The following LRRC72 variants were observed in gnomAD, a reference collection of about 807,000 sequenced individuals.
LRRC72 encodes the protein leucine-rich repeat-containing protein 72.
In LRRC72, 41 loss-of-function variants were observed where a neutral mutation model predicts 35.8. That is an observed-to-expected ratio of 1.15 (90% CI 0.89 to 1.49). The LOEUF is 1.49. Ranked by LOEUF, LRRC72 falls within the 40% of genes most tolerant of loss-of-function variation. LRRC72 has a pLI of 0.00. For synonymous variants in LRRC72, 118 were observed against 119.2 expected, an observed-to-expected ratio of 0.99 and a Z score of 0.07; for missense variants, 389 against 330.7, an observed-to-expected ratio of 1.18 and a Z score of -1.37.
At chr7:16,536,695 AT>A (rs534878450) in intron 2 of LRRC72, among the ~76,000 whole-genome samples, 1 of 152,076 alleles carries the variant, frequency 6.6e-6, no homozygotes, top group Non-Finnish European at 1.5e-5. Flanking sequence ...CTTTCAAAAA[AT>A]GTATGTTTTT....
intron 3 of LRRC72, among the ~76,000 whole-genome samples, chr7:16,553,728 G>T (rs995549115): frequency 6.6e-6 from 1 of 152,082 alleles, no homozygotes. Flanking sequence ...ATAATTATTT[G>T]GTCCCATATA....
At position 16,537,613 on chromosome 7, in the gene LRRC72, T is replaced by C. The variant is rs1782279114; in HGVS notation, c.165-14T>C. The C allele has an allele frequency of 6.7e-7, 1 of 1,485,828 alleles. No individual in the cohort carries two copies. The highest frequency in any genetic ancestry group is 1.4e-5 in the African/African-American group (1 of 70,534). 92.0% of individuals were successfully genotyped at this position (1,485,828 alleles called of 1,614,324 possible). A position where few individuals can be genotyped will look rare whatever the true frequency, so the allele number is the denominator to read the frequency against. On this transcript the variant is annotated splice_polypyrimidine_tract_variant and intron_variant, in intron 2 of 8. Coordinates refer to ENST00000401542, the MANE Select transcript of LRRC72 (RefSeq NM_001195280.2). Reference sequence around the variant, plus strand: ...TAATTGTTGCTAATGTTCACATTTTTTTTTTCTTTCCAGGGAACTGACAGA... The same window carrying C: ...TAATTGTTGCTAATGTTCACATTTTCTTTTTCTTTCCAGGGAACTGACAGA...
chr7:16,532,711 CCA>C, intron 2 of LRRC72, 143 bp downstream of exon 2: 1 of 730,466 alleles, frequency 1.4e-6, no homozygotes, highest in South Asian at 1.5e-5. Context: ...TTCCTGGAAT[CCA>C]CAGTTTTCTA....
At chr7:16,547,671 T>C (rs750675274) in intron 3 of LRRC72, among the ~76,000 whole-genome samples, 2 of 152,204 alleles carry the variant, frequency 1.3e-5, no homozygotes, top group Non-Finnish European at 2.9e-5. Flanking sequence ...TGTCACAACC[T>C]GGCTGGGGGT....
chr7:16,541,587 T>C (rs1450361711), intron 3 of LRRC72, among the ~76,000 whole-genome samples: 2 of 152,168 alleles, frequency 1.3e-5, no homozygotes, highest in African/African-American at 4.8e-5. Context: ...CACACTCCAC[T>C]TTAGGGCATA....
intron 3 of LRRC72, among the ~76,000 whole-genome samples, chr7:16,542,265 A>G (rs6945188): frequency 0.79 from 120,018 of 152,138 alleles, 47,517 homozygotes; most frequent in East Asian, 1. Flanking sequence ...CGCATGCACC[A>G]TCAACTGTTT....
chr7:16,542,495 G>T (rs1451541585), intron 3 of LRRC72, among the ~76,000 whole-genome samples: 1 of 152,202 alleles, frequency 6.6e-6, no homozygotes, highest in Non-Finnish European at 1.5e-5. Context: ...ATGGGCCCAA[G>T]GTGGTCCAGG....
At chr7:16,561,455 T>TG (rs1782742847) in intron 5 of LRRC72, among the ~76,000 whole-genome samples, 1 of 152,208 alleles carries the variant, frequency 6.6e-6, no homozygotes, top group Non-Finnish European at 1.5e-5. Flanking sequence ...ATCCAGCCCA[T>TG]GCCCTGCTTG....
rs548638873 is a variant in LRRC72, at chr7:16,570,069, T to A, written c.670+2526T>A. ...AAAAAAAAAAGAATTCACATAAGCC[T>A]CTTGGAAGCACAGTTCATTGATTCC... On this transcript the variant is annotated intron_variant, in intron 7 of 8. Transcript: ENST00000401542. Among the ~76,000 whole-genome samples the A allele has an allele frequency of 3.3e-5, 5 of 152,064 alleles. No homozygotes were observed. The South Asian group carries it at 1.0e-3, about 32-fold the overall frequency.
rs373893942 is a variant in LRRC72 at position 16,526,893 on chromosome 7, G to C, written c.-60G>C. On this transcript the variant is annotated 5_prime_UTR_variant, in exon 1 of 9. Transcript: ENST00000401542. ...TGTGCACCAAGCCAAGTCTCTCTTC[G>C]GTGCCACCGGCGGGCGAGGCCGGAT... The C allele has an allele frequency of 1.5e-6, 2 of 1,368,636 alleles. No individual in the cohort carries two copies. Among genetic ancestry groups the C allele is most frequent in the South Asian group, 2.5e-5 (2 of 80,752 alleles). The allele number at this position is 1,368,636 out of a possible 1,614,324, so 84.8% of individuals were successfully genotyped here.
rs1157923922 is a variant in LRRC72, at chr7:16,581,480, A to G, written c.855A>G (p.Thr285=). 1 of 1,546,518 alleles carries G rather than the reference A, an allele frequency of 6.5e-7. No individual in the cohort carries two copies. The highest frequency in any genetic ancestry group is 1.2e-5 in the South Asian group (1 of 82,760). The change falls in exon 9 of 9, where the codon ACA becomes ACG. Residue 285 remains threonine (T), a synonymous_variant. Coordinates refer to ENST00000401542, the MANE Select transcript of LRRC72 (RefSeq NM_001195280.2). ...AAACAGCTCAAATGCTCACAGTTAC[A>G]CTGAGATAAGCCCTGGTATTTCTAG... The part of the protein sequence containing the change: ...GTETAQMLTV[T]LR
intron 3 of LRRC72, among the ~76,000 whole-genome samples, chr7:16,543,718 G>A (rs1298458114): frequency 1.3e-5 from 2 of 152,184 alleles, no homozygotes; most frequent in East Asian, 3.9e-4. Context: ...AGGTTCCTGG[G>A]AGAGGCTCTC....
intron 5 of LRRC72, 46 bp from the exon 6 acceptor site, chr7:16,566,267 C>A: frequency 2.4e-6 from 3 of 1,268,556 alleles, no homozygotes; most frequent in Non-Finnish European, 3.3e-6. Flanking sequence ...ATAAGTGAAA[C>A]TGATTTTGAA....
At chr7:16,567,845 C>A (rs192881551) in intron 7 of LRRC72, among the ~76,000 whole-genome samples, 2 of 151,914 alleles carry the variant, frequency 1.3e-5, no homozygotes, top group Admixed American at 6.6e-5. Context: ...AATAAATAAG[C>A]CATTGTTATT....
In LRRC72 at chr7:16,581,394, T is replaced by C; in HGVS notation, c.769T>C (p.Ser257Pro). The C allele has an allele frequency of 6.5e-7, 1 of 1,550,202 alleles. No individual in the cohort carries two copies. Among genetic ancestry groups the C allele is most frequent in the Non-Finnish European group, 8.7e-7 (1 of 1,146,696 alleles). ...SMKRSVMTLT[S>P]MNWDTVPTRE... is the part of the protein sequence containing the mutation. ...GAAGAGATCAGTGATGACTTTGACC[T>C]CTATGAACTGGGACACAGTTCCAAC... is the stretch of plus-strand genomic sequence containing the variant. The change falls in exon 9 of 9, where the codon TCT becomes CCT. Residue 257 changes from serine to proline, a missense_variant. Transcript: ENST00000401542.
intron 6 of LRRC72, among the ~76,000 whole-genome samples, chr7:16,566,637 G>T (rs995547475): frequency 1.1e-4 from 17 of 152,076 alleles, no homozygotes; most frequent in Non-Finnish European, 1.0e-4. Flanking sequence ...CCCTCTAACT[G>T]AGCTGAGGAA....
At chr7:16,529,520 T>C (rs1488413065) in intron 1 of LRRC72, among the ~76,000 whole-genome samples, 1 of 152,180 alleles carries the variant, frequency 6.6e-6, no homozygotes, top group Non-Finnish European at 1.5e-5. Flanking sequence ...CAAACTTAAT[T>C]GAATTCCTTT....
intron 3 of LRRC72, among the ~76,000 whole-genome samples, chr7:16,553,875 T>G (rs1438101894): frequency 1.3e-5 from 2 of 152,198 alleles, no homozygotes; most frequent in African/African-American, 2.4e-5. Context: ...CCCAGCTCCA[T>G]AAAATTAATA....
At chr7:16,528,598 T>C (rs1289095332) in intron 1 of LRRC72, among the ~76,000 whole-genome samples, 1 of 152,106 alleles carries the variant, frequency 6.6e-6, no homozygotes, top group Non-Finnish European at 1.5e-5. Flanking sequence ...CACTCACACC[T>C]GCCCCCACCC....
Sources: allele counts gnomAD v4.1 joint callset (sites outside exome capture counted in the v4.1 genomes callset), GRCh38; gene constraint gnomAD v4.1.1; transcripts MANE v1.5; gene names NCBI Gene and HGNC (gene_info 2026-07-23, HGNC 2026-07-21).